Variants in CFAP97 observed in about 807,000 individuals in gnomAD.
CFAP97 encodes the protein cilia- and flagella-associated protein 97.
CFAP97 carries 36 observed loss-of-function variants against 43.1 expected under a neutral mutation model. The observed-to-expected ratio is 0.84, with a 90% confidence interval of 0.64 to 1.10. CFAP97 has a LOEUF of 1.10. CFAP97 is among the 50% of genes least tolerant of loss of function. The pLI is 0.00. For synonymous variants in CFAP97, 228 were observed against 225.7 expected, an observed-to-expected ratio of 1.01 and a Z score of -0.09; for missense variants, 657 against 620.3, an observed-to-expected ratio of 1.06 and a Z score of -0.63.
At chr4:185,197,315 GAATT>G (rs1736598970) in intron 1 of CFAP97, among the ~76,000 whole-genome samples, 2 of 151,792 alleles carry the variant, frequency 1.3e-5, no homozygotes, top group Non-Finnish European at 2.9e-5. Flanking sequence ...TCTTGGCCCA[GAATT>G]AATATTACAC....
chr4:185,169,307 G>T (rs1053926347), intron 3 of CFAP97: 5 of 152,208 alleles, frequency 3.3e-5, no homozygotes, highest in African/African-American at 9.7e-5. Context: ...CATGGGGGTG[G>T]TTCCCCCATG....
intron 1 of CFAP97, among the ~76,000 whole-genome samples, chr4:185,197,257 A>G (rs1459130545): frequency 6.6e-6 from 1 of 152,096 alleles, no homozygotes; most frequent in Non-Finnish European, 1.5e-5. Flanking sequence ...AAACATAACA[A>G]AAGAGTAATT....
chr4:185,197,094 C>T (rs895214880), intron 1 of CFAP97, among the ~76,000 whole-genome samples: 4 of 113,938 alleles, frequency 3.5e-5, no homozygotes, highest in African/African-American at 1.4e-4. Context: ...GCGAGACTCC[C>T]TCTTAATTAA....
intron 3 of CFAP97, among the ~76,000 whole-genome samples, chr4:185,172,467 G>A (rs1735340173): frequency 6.6e-6 from 1 of 152,114 alleles, no homozygotes; most frequent in Non-Finnish European, 1.5e-5. Context: ...CATCTAAATA[G>A]CCTCTGAATT....
intron 1 of CFAP97, among the ~76,000 whole-genome samples, chr4:185,192,532 C>G (rs1736310152): frequency 6.6e-6 from 1 of 151,854 alleles, no homozygotes; most frequent in South Asian, 2.1e-4. Context: ...TTATGTATTA[C>G]TATGATAAAA....
At chr4:185,192,666 TTATC>T (rs1180985229) in intron 1 of CFAP97, among the ~76,000 whole-genome samples, 4 of 152,026 alleles carry the variant, frequency 2.6e-5, no homozygotes, top group Non-Finnish European at 5.9e-5. Flanking sequence ...CTGTGTTACA[TTATC>T]TATTACTGAT....
chr4:185,166,975 A>ATT (rs35531557), intron 3 of CFAP97, among the ~76,000 whole-genome samples: 34 of 151,640 alleles, frequency 2.2e-4, no homozygotes, highest in Admixed American at 2.0e-3. Context: ...ACATTATGAG[A>ATT]TTTTTTTTTG....
intron 2 of CFAP97, among the ~76,000 whole-genome samples, chr4:185,184,230 G>T (rs749248323): frequency 1.3e-5 from 2 of 152,148 alleles, no homozygotes; most frequent in Non-Finnish European, 1.5e-5. Flanking sequence ...AGTATCCCTG[G>T]GTTAACCGTA....
chr4:185,167,428 A>G (rs1428274118), intron 3 of CFAP97, among the ~76,000 whole-genome samples: 1 of 152,152 alleles, frequency 6.6e-6, no homozygotes, highest in Non-Finnish European at 1.5e-5. Flanking sequence ...TCACACCACT[A>G]GACTCCAGCC....
intron 3 of CFAP97, among the ~76,000 whole-genome samples, chr4:185,165,010 A>G (rs1302743666): frequency 1.3e-5 from 2 of 152,236 alleles, no homozygotes; most frequent in African/African-American, 4.8e-5. Context: ...CGGGTCTTCC[A>G]CTGCTAGTTT....
chr4:185,199,771 C>G (rs1348119891), intron 1 of CFAP97, among the ~76,000 whole-genome samples: 1 of 152,202 alleles, frequency 6.6e-6, no homozygotes, highest in Non-Finnish European at 1.5e-5. Flanking sequence ...TGACAGCACA[C>G]CTATTTACAG....
intron 1 of CFAP97, among the ~76,000 whole-genome samples, chr4:185,195,616 T>C (rs1201175199): frequency 6.6e-6 from 1 of 152,138 alleles, no homozygotes; most frequent in Non-Finnish European, 1.5e-5. Flanking sequence ...GGATACACAT[T>C]AAACATGAGT....
chr4:185,174,546 G>C (rs1014754002), intron 3 of CFAP97, among the ~76,000 whole-genome samples: 12 of 152,182 alleles, frequency 7.9e-5, no homozygotes, highest in African/African-American at 2.9e-4. Flanking sequence ...GAAAACACTG[G>C]TAATGACACA....
chr4:185,193,038 C>T (rs1282139175), intron 1 of CFAP97, among the ~76,000 whole-genome samples: 1 of 152,070 alleles, frequency 6.6e-6, no homozygotes, highest in African/African-American at 2.4e-5. Flanking sequence ...CCGCGCCCCA[C>T]CCAGAATTGA....
intron 1 of CFAP97, among the ~76,000 whole-genome samples, chr4:185,192,196 G>A (rs970833473): frequency 1.3e-5 from 2 of 152,186 alleles, no homozygotes; most frequent in African/African-American, 4.8e-5. Flanking sequence ...CACACATACA[G>A]GCTGCACAGG....
chr4:185,193,817 G>C (rs897762914), intron 1 of CFAP97, among the ~76,000 whole-genome samples: 22 of 152,124 alleles, frequency 1.4e-4, no homozygotes, highest in Admixed American at 2.6e-4. Context: ...AAACCCAGGA[G>C]ACAGAGGCTG....
chr4:185,200,931 A>T (rs992643371), intron 1 of CFAP97, among the ~76,000 whole-genome samples: 3 of 152,244 alleles, frequency 2.0e-5, no homozygotes, highest in African/African-American at 7.2e-5. Flanking sequence ...AAGAAGCTGT[A>T]AATGTAGTTG....
At chr4:185,170,025 C>T in intron 3 of CFAP97, 1 of 1,148,298 alleles carries the variant, frequency 8.7e-7, no homozygotes, top group South Asian at 4.3e-5. Flanking sequence ...CACAATCTCC[C>T]TTTAATTATT....
At chr4:185,191,573 T>C (rs1406205867) in intron 1 of CFAP97, among the ~76,000 whole-genome samples, 1 of 152,248 alleles carries the variant, frequency 6.6e-6, no homozygotes, top group Non-Finnish European at 1.5e-5. Context: ...GGCTCATGCC[T>C]GTAATCCCAG....
Sources: gnomAD v4.1 joint callset for allele counts (sites outside exome capture counted in the v4.1 genomes callset) on GRCh38, gnomAD v4.1.1 for gene constraint, MANE v1.5 for transcripts, NCBI Gene and HGNC (gene_info 2026-07-23, HGNC 2026-07-21) for gene names.